The following COL4A4 variants were observed in gnomAD, a reference collection of about 807,000 sequenced individuals.
COL4A4 encodes the protein collagen type IV alpha 4 chain.
Under a neutral mutation model 192.9 loss-of-function variants are expected in COL4A4, and 105 were observed. That is an observed-to-expected ratio of 0.54 (90% CI 0.46 to 0.64). COL4A4 has a LOEUF of 0.64. Among genes scored for constraint, COL4A4 ranks in the 30% least tolerant of loss-of-function variants. The pLI, the probability that COL4A4 is intolerant of heterozygous loss-of-function variation, is 0.00. For synonymous variants in COL4A4, 762 were observed against 769.9 expected (o/e 0.99, Z 0.17); for missense variants, 1,967 against 2,169.3 (o/e 0.91, Z 1.85).
chr2:227,098,486 A>G (rs1371208891), intron 19 of COL4A4, among the ~76,000 whole-genome samples: 2 of 152,236 alleles, frequency 1.3e-5, no homozygotes, highest in Non-Finnish European at 2.9e-5. Flanking sequence ...TATATGTTAC[A>G]GACACAGGAG....
Position 227,142,895 on chromosome 2 carries a change from C to A in COL4A4, c.114+1621G>T, listed in dbSNP as rs139707431. ...GGTGCCAAAGAGTGTAACAGGAAAA[C>A]AAATGTCCTCTTTCAACACTGGCCC... On this transcript the variant is annotated intron_variant, in intron 3 of 47. Transcript: ENST00000396625. Among the ~76,000 whole-genome samples the A allele has an allele frequency of 1.3e-3, 192 of 151,486 alleles. 1 individual carries two copies. The highest frequency in any genetic ancestry group is 4.5e-3 in the African/African-American group (185 of 41,266).
rs554086519 is a variant in COL4A4, at chr2:227,156,290, G to A, written c.-102+7717C>T. 3.2e-4 allele frequency among the ~76,000 whole-genome samples: 48 copies of A among 151,840 alleles called. No individual in the cohort carries two copies. The South Asian group carries it at 7.5e-3, about 24-fold the overall frequency. On this transcript the variant is annotated intron_variant, in intron 1 of 47. Coordinates refer to ENST00000396625, the MANE Select transcript of COL4A4 (RefSeq NM_000092.5). ...TGCACGTGCCTGTATTCTCAGCTACGTGGGAGGCTGAGGTGGAAGAATCAC... is the reference window on the plus strand; with the variant it reads ...TGCACGTGCCTGTATTCTCAGCTACATGGGAGGCTGAGGTGGAAGAATCAC...
chr2:227,157,568 T>C (rs2064453575), intron 1 of COL4A4, among the ~76,000 whole-genome samples: 1 of 151,978 alleles, frequency 6.6e-6, no homozygotes, highest in Non-Finnish European at 1.5e-5. Context: ...AATGACAATA[T>C]GACAGTATTA....
intron 1 of COL4A4, among the ~76,000 whole-genome samples, chr2:227,147,937 G>A (rs2063657028): frequency 6.6e-6 from 1 of 151,634 alleles, no homozygotes; most frequent in South Asian, 2.1e-4. Flanking sequence ...GAACATCCAA[G>A]TTAAAATTCA....
chr2:227,111,526 A>G (rs2061208609), intron 9 of COL4A4, 152 bp downstream of exon 9: 8 of 802,814 alleles, frequency 1.0e-5, no homozygotes, highest in Non-Finnish European at 1.7e-5. Flanking sequence ...CCATCTTGAA[A>G]TGCTTAATAA....
chr2:227,103,313 T>TA, intron 13 of COL4A4, 116 bp from the exon 14 acceptor site: 1 of 810,232 alleles, frequency 1.2e-6, no homozygotes, highest in East Asian at 2.6e-5. Flanking sequence ...AAAAAAATCT[T>TA]AAGAGATTAC....
chr2:227,066,340 C>T (rs564611121), intron 25 of COL4A4, among the ~76,000 whole-genome samples: 2,346 of 151,824 alleles, frequency 0.015, 45 homozygotes, highest in African/African-American at 0.053. Context: ...GGCAGGCCAA[C>T]ATTCAGATTC....
In COL4A4 at chr2:227,022,010, AT is replaced by A. The variant is rs754866770; in HGVS notation, c.4216+37del. On this transcript the variant is annotated intron_variant, in intron 44 of 47. Coordinates refer to ENST00000396625, the MANE Select transcript of COL4A4 (RefSeq NM_000092.5). Reference sequence around the variant, plus strand: ...ATCTAGAATTTCATTTCAGCAATATATCATGAAAATAATGAACAATCAGCAT... The same window carrying A: ...ATCTAGAATTTCATTTCAGCAATATACATGAAAATAATGAACAATCAGCAT... 1.1e-5 allele frequency: 17 copies of A among 1,601,306 alleles called. No individual in the cohort carries two copies. In the Admixed American group the frequency reaches 2.1e-4, roughly 19 times the overall value.
the COL4A4 span, among the ~76,000 whole-genome samples, chr2:226,985,749 C>A: frequency 1.3e-5 from 2 of 152,002 alleles, no homozygotes; most frequent in Non-Finnish European, 2.9e-5. Context: ...GTTAGCAGAC[C>A]CCACTTCACC....
chr2:227,127,940 T>C (rs1029931566), intron 4 of COL4A4, among the ~76,000 whole-genome samples: 3 of 152,170 alleles, frequency 2.0e-5, no homozygotes, highest in Non-Finnish European at 4.4e-5. Context: ...CAAATCACCC[T>C]TGAACTCTTA....
chr2:227,138,409 G>A lies in COL4A4; in HGVS notation c.192+1752C>T, dbSNP rs188638341. Among the ~76,000 whole-genome samples, 84 of 152,162 alleles carry A rather than the reference G, an allele frequency of 5.5e-4. 2 individuals carry two copies. Among genetic ancestry groups the A allele is most frequent in the African/African-American group, 1.9e-3 (78 of 41,542 alleles). On this transcript the variant is annotated intron_variant, in intron 4 of 47. Transcript: ENST00000396625. Reference sequence around the variant, plus strand: ...AGAACTTTGGGAGGCCGAGGCTGGCGGATCATGAGGTCAGGAGATCGAGAC... The same window carrying A: ...AGAACTTTGGGAGGCCGAGGCTGGCAGATCATGAGGTCAGGAGATCGAGAC...
chr2:227,099,527 A>T, intron 18 of COL4A4, 93 bp downstream of exon 18: 1 of 1,150,568 alleles, frequency 8.7e-7, no homozygotes, highest in Non-Finnish European at 1.3e-6. Flanking sequence ...CCTAGTGTGC[A>T]AGCTATGGAA....
chr2:227,148,426 A>G (rs1048615422), intron 1 of COL4A4, among the ~76,000 whole-genome samples: 5 of 152,250 alleles, frequency 3.3e-5, no homozygotes, highest in African/African-American at 7.2e-5. Context: ...GTATATAAAA[A>G]GTCCAGAATA....
intron 32 of COL4A4, among the ~76,000 whole-genome samples, chr2:227,051,888 T>C (rs1974187305): frequency 6.6e-6 from 1 of 152,144 alleles, no homozygotes; most frequent in South Asian, 2.1e-4. Flanking sequence ...TTTGTGTTTA[T>C]TTATATCTAA....
intron 2 of COL4A4, among the ~76,000 whole-genome samples, chr2:227,146,702 C>T (rs1422321039): frequency 6.6e-6 from 1 of 152,126 alleles, no homozygotes; most frequent in Non-Finnish European, 1.5e-5. Flanking sequence ...GATTCCTTGC[C>T]TTCTCCAGAT....
At position 227,041,846 on chromosome 2, in the gene COL4A4, A is replaced by AAAAGAG. The variant is rs1971275697; in HGVS notation, c.3505+301_3505+302insCTCTTT. On this transcript the variant is annotated intron_variant, in intron 37 of 47. Coordinates refer to ENST00000396625, the MANE Select transcript of COL4A4 (RefSeq NM_000092.5). ...AAAGAAAGAAAGAAAGAAAGAAAGAAAGAGAAAGAAAGAAAGAAAGAAAGA... is the reference window on the plus strand; with the variant it reads ...AAAGAAAGAAAGAAAGAAAGAAAGAAAAAGAGAGAGAAAGAAAGAAAGAAAGAAAGA... Among the ~76,000 whole-genome samples, 42 of 39,302 alleles carry AAAAGAG rather than the reference A, an allele frequency of 1.1e-3. 1 individual carries two copies. Among genetic ancestry groups the AAAAGAG allele is most frequent in the Non-Finnish European group, 1.0e-3 (23 of 22,502 alleles). 25.8% of individuals were successfully genotyped at this position (39,302 alleles called of 152,430 possible).
At chr2:227,133,581 C>T (rs1198890996) in intron 4 of COL4A4, among the ~76,000 whole-genome samples, 1 of 152,066 alleles carries the variant, frequency 6.6e-6, no homozygotes, top group East Asian at 1.9e-4. Flanking sequence ...TCTAGGCCTC[C>T]CAAACCCTGT....
At chr2:227,078,609 A>T (rs532571440) in intron 24 of COL4A4, among the ~76,000 whole-genome samples, 1 of 152,332 alleles carries the variant, frequency 6.6e-6, no homozygotes, top group South Asian at 2.1e-4. Flanking sequence ...ACTGGAAACA[A>T]TGTGTGTGAT....
chr2:227,032,532 C>A (rs1968658733), intron 38 of COL4A4, among the ~76,000 whole-genome samples: 1 of 152,138 alleles, frequency 6.6e-6, no homozygotes, highest in African/African-American at 2.4e-5. Context: ...CAATACCAAC[C>A]TCCCACCTCT....
Sources: gnomAD v4.1 joint callset for allele counts (sites outside exome capture counted in the v4.1 genomes callset) on GRCh38, gnomAD v4.1.1 for gene constraint, MANE v1.5 for transcripts, NCBI Gene and HGNC (gene_info 2026-07-23, HGNC 2026-07-21) for gene names.